SOS2: variants seen among roughly 807,000 people sequenced by gnomAD.
SOS2 encodes SOS Ras/Rho guanine nucleotide exchange factor 2.
A neutral mutation model predicts 148.2 loss-of-function variants in SOS2; 65 were observed. The observed-to-expected ratio is 0.44, with a 90% confidence interval of 0.36 to 0.54. The LOEUF is 0.54. Ranked by LOEUF, SOS2 falls within the 20% of genes least tolerant of loss-of-function variation. SOS2 has a pLI of 0.00. For missense variants in SOS2, 1,341 were observed against 1,590.2 expected, an observed-to-expected ratio of 0.84 and a Z score of 2.67; for synonymous variants, 539 against 537.1, an observed-to-expected ratio of 1.00 and a Z score of -0.05.
intron 1 of SOS2, among the ~76,000 whole-genome samples, chr14:50,221,884 C>T (rs182801435): frequency 2.6e-5 from 4 of 151,966 alleles, no homozygotes; most frequent in South Asian, 2.1e-4. Context: ...TAAAGCTTTA[C>T]GGTTGTAGGG....
chr14:50,131,748 A>G (rs1209823654), intron 19 of SOS2, among the ~76,000 whole-genome samples: 1 of 152,222 alleles, frequency 6.6e-6, no homozygotes, highest in Non-Finnish European at 1.5e-5. Flanking sequence ...TTATGGGGAC[A>G]ATGCCCCAAA....
Position 50,160,101 on chromosome 14 carries a change from C to T in SOS2, c.1197-15G>A. The T allele has an allele frequency of 6.3e-7, 1 of 1,595,104 alleles. No individual in the cohort carries two copies. The highest frequency in any genetic ancestry group is 8.5e-7 in the Non-Finnish European group (1 of 1,169,874). ...AAACAGGATCTCTAGAAAAAACAAA[C>T]AATATAGCTTATTCAACAGCTAGCA... On this transcript the variant is annotated splice_polypyrimidine_tract_variant and intron_variant, in intron 9 of 22. Transcript: ENST00000216373.
In SOS2 at chr14:50,149,957, A is replaced by T. The variant is rs753726793; in HGVS notation, c.2384+51T>A. Reference sequence around the variant, plus strand: ...TGTGCAAAATGTTTTGAAAATAGGTAATGTTCAAGATTCTTAAAAATAAAG... The same window carrying T: ...TGTGCAAAATGTTTTGAAAATAGGTTATGTTCAAGATTCTTAAAAATAAAG... On this transcript the variant is annotated intron_variant, in intron 14 of 22. Coordinates refer to ENST00000216373, the MANE Select transcript of SOS2 (RefSeq NM_006939.4). 10 of 1,224,368 alleles carry T rather than the reference A, an allele frequency of 8.2e-6. No individual in the cohort carries two copies. In the African/African-American group the frequency reaches 1.5e-4, roughly 18 times the overall value. 75.8% of individuals were successfully genotyped at this position (1,224,368 alleles called of 1,614,324 possible).
At chr14:50,223,852 CAA>C (rs1366291179) in intron 1 of SOS2, among the ~76,000 whole-genome samples, 1 of 151,050 alleles carries the variant, frequency 6.6e-6, no homozygotes, top group Non-Finnish European at 1.5e-5. Flanking sequence ...GACCCTGTCT[CAA>C]AAAAAGAGTT....
At chr14:50,119,530 TA>T (rs202172138) in intron 22 of SOS2, among the ~76,000 whole-genome samples, 10 of 151,686 alleles carry the variant, frequency 6.6e-5, no homozygotes, top group Non-Finnish European at 4.4e-5. Context: ...TTTATTTTTT[TA>T]TTTTTATTTT....
At chr14:50,173,532 C>T (rs1267293374) in intron 8 of SOS2, among the ~76,000 whole-genome samples, 1 of 152,126 alleles carries the variant, frequency 6.6e-6, no homozygotes, top group Non-Finnish European at 1.5e-5. Flanking sequence ...CACCATTCTC[C>T]TGCCTCAGCC....
intron 18 of SOS2, among the ~76,000 whole-genome samples, chr14:50,136,136 T>C (rs1884072120): frequency 6.6e-6 from 1 of 152,218 alleles, no homozygotes; most frequent in Admixed American, 6.5e-5. Flanking sequence ...TGTTCTTATG[T>C]TCAGGTTAGC....
In SOS2 at chr14:50,131,529, T is replaced by C. The variant is rs1883865790; in HGVS notation, c.3076-767A>G. On this transcript the variant is annotated intron_variant, in intron 19 of 22. Coordinates refer to ENST00000216373, the MANE Select transcript of SOS2 (RefSeq NM_006939.4). Reference sequence around the variant, plus strand: ...ACTCATACTAACTTATTATAACATGTCTGAACAGTTTGAGATGCTCAAACA... The same window carrying C: ...ACTCATACTAACTTATTATAACATGCCTGAACAGTTTGAGATGCTCAAACA... 2.0e-5 allele frequency among the ~76,000 whole-genome samples: 3 copies of C among 151,134 alleles called. 1 individual carries two copies. Among genetic ancestry groups the C allele is most frequent in the South Asian group, 2.1e-4 (1 of 4,830 alleles).
At chr14:50,222,919 G>A (rs1012883515) in intron 1 of SOS2, among the ~76,000 whole-genome samples, 5 of 152,202 alleles carry the variant, frequency 3.3e-5, no homozygotes, top group African/African-American at 9.7e-5. Context: ...AATAGGACAA[G>A]AGCAGATGAT....
At position 50,118,740 on chromosome 14, in the gene SOS2, A is replaced by G. The variant is rs143389332; in HGVS notation, c.3603T>C (p.His1201=). The G allele has an allele frequency of 5.0e-6, 8 of 1,612,948 alleles. No individual in the cohort carries two copies. Among genetic ancestry groups the G allele is most frequent in the South Asian group, 3.3e-5 (3 of 91,020 alleles). Residue 1201 remains histidine (H), a synonymous_variant, in exon 23 of 23, where the codon CAT becomes CAC. Coordinates refer to ENST00000216373, the MANE Select transcript of SOS2 (RefSeq NM_006939.4). ...CTCTTGGTGGTGGCGGAGGTGGACT[A>G]TGCAGAGGCCCATCAAATGCACCAG... ...VPTGAFDGPL[H]SPPPPPPRDP... is the part of the protein sequence containing the mutation.
At chr14:50,159,369 C>T in intron 10 of SOS2, 62 bp downstream of exon 10, 1 of 1,074,288 alleles carries the variant, frequency 9.3e-7, no homozygotes, top group Non-Finnish European at 1.3e-6. Flanking sequence ...TATTTTTGAG[C>T]ATCCTTAAAA....
At chr14:50,201,339 C>G (rs1209020979) in intron 2 of SOS2, among the ~76,000 whole-genome samples, 1 of 151,830 alleles carries the variant, frequency 6.6e-6, no homozygotes, top group Non-Finnish European at 1.5e-5. Flanking sequence ...TTAGACCAGC[C>G]AGGCAACACG....
chr14:50,150,787 A>G (rs1196438678), intron 13 of SOS2, among the ~76,000 whole-genome samples: 1 of 151,872 alleles, frequency 6.6e-6, no homozygotes, highest in African/African-American at 2.4e-5. Context: ...TAATGGCGTG[A>G]TCTCGGCTCA....
In SOS2 at chr14:50,146,312, A is replaced by G. The variant is rs148225748; in HGVS notation, c.2385-716T>C. ...ACATATCGGATGACTCAGCAATTTG[A>G]CTCTTAAGTATGCATATACCCTAGA... On this transcript the variant is annotated intron_variant, in intron 14 of 22. Transcript: ENST00000216373. Among the ~76,000 whole-genome samples, 363 of 151,974 alleles carry G rather than the reference A, an allele frequency of 2.4e-3. 3 individuals are homozygous for G. The highest frequency in any genetic ancestry group is 8.1e-3 in the African/African-American group (336 of 41,456).
At chr14:50,196,189 C>T (rs568031351) in intron 4 of SOS2, among the ~76,000 whole-genome samples, 3 of 151,992 alleles carry the variant, frequency 2.0e-5, no homozygotes, top group Non-Finnish European at 4.4e-5. Context: ...GGAATTGGGT[C>T]TTTTTTGTAA....
Position 50,129,994 on chromosome 14 carries a change from T to C in SOS2, c.3346A>G (p.Ser1116Gly). ...VDLNSSCGSN[S>G]IFAPVLLPHS... is the part of the protein sequence containing the mutation. ...GGCAAAAGCACTGGAGCAAAGATGC[T>C]ATTGCTGCCTATTGGAATAAGAAAA... Residue 1116 changes from serine (S) to glycine (G), a missense_variant, in exon 21 of 23, where the codon AGC (serine) becomes GGC (glycine). Physicochemically the swap from Ser to Gly is moderately conservative, Grantham distance 56. This residue lies in a region of SOS2 where 354 missense variants were observed against 347.7 expected (regional missense o/e 1.02). Transcript: ENST00000216373. The C allele has an allele frequency of 6.3e-7, 1 of 1,587,712 alleles. No homozygotes were observed. Among genetic ancestry groups the C allele is most frequent in the Non-Finnish European group, 8.6e-7 (1 of 1,160,078 alleles).
At chr14:50,160,947 G>A (rs1884987210) in intron 9 of SOS2, among the ~76,000 whole-genome samples, 2 of 152,092 alleles carry the variant, frequency 1.3e-5, no homozygotes, top group African/African-American at 2.4e-5. Context: ...GGAGGTTGAG[G>A]CTGCTGTGAG....
intron 8 of SOS2, among the ~76,000 whole-genome samples, chr14:50,162,897 AT>A (rs112053842): frequency 0.28 from 24,923 of 88,118 alleles, 1,810 homozygotes; most frequent in East Asian, 0.51. Context: ...CAATGTTTTG[AT>A]TTTTTTTTTT....
Position 50,118,522 on chromosome 14 carries a change from C to T in SOS2, c.3821G>A (p.Cys1274Tyr), listed in dbSNP as rs1432602605. The T allele has an allele frequency of 6.2e-7, 1 of 1,614,160 alleles. No individual in the cohort carries two copies. The highest frequency in any genetic ancestry group is 1.1e-5 in the South Asian group (1 of 91,076). ...ATTCTGACTAGAACTGAGCACATAG[C>T]ATCGACGCGGTACCCTTGGAGAGGG... ...STPSPRVPRR[C>Y]YVLSSSQNNL... The change falls in exon 23 of 23, where the codon TGC becomes TAC. Residue 1274 changes from cysteine to tyrosine, a missense_variant. Physicochemically the swap from Cys to Tyr is radical, Grantham distance 194 (BLOSUM62 -2). Coordinates refer to ENST00000216373, the MANE Select transcript of SOS2 (RefSeq NM_006939.4).
Sources: allele counts gnomAD v4.1 joint callset (sites outside exome capture counted in the v4.1 genomes callset), GRCh38; gene constraint gnomAD v4.1.1; regional missense constraint gnomAD v4.1.1; transcripts MANE v1.5; gene names NCBI Gene and HGNC (gene_info 2026-07-23, HGNC 2026-07-21).